TSPEAR: variants seen among roughly 807,000 people sequenced by gnomAD.
TSPEAR encodes thrombospondin-type laminin G domain and EAR repeat-containing protein.
A neutral mutation model predicts 71.6 loss-of-function variants in TSPEAR; 69 were observed. The ratio of observed to expected loss-of-function variants is 0.96; its 90% CI spans 0.79 to 1.18. The LOEUF is 1.18. Ranked by LOEUF, TSPEAR falls within the 50% of genes most tolerant of loss-of-function variation. The pLI is 0.00. For missense variants in TSPEAR, 971 were observed against 894.9 expected, an observed-to-expected ratio of 1.09 and a Z score of -1.09; for synonymous variants, 402 against 387.2, an observed-to-expected ratio of 1.04 and a Z score of -0.45.
At chr21:44,621,875 G>A (rs233272) in intron 1 of TSPEAR, among the ~76,000 whole-genome samples, 135,901 of 152,132 alleles carry the variant, frequency 0.89, 61,104 homozygotes, top group Non-Finnish European at 0.95. Flanking sequence ...CTCCACCAAC[G>A]CAATCAATAC....
At chr21:44,522,173 C>T (rs1488047144) in intron 8 of TSPEAR, 61 bp from the exon 9 acceptor site, 27 of 1,529,824 alleles carry the variant, frequency 1.8e-5, no homozygotes, top group South Asian at 5.7e-5. Flanking sequence ...ATGGCAGCCC[C>T]GACGGAGGCA....
chr21:44,554,069 T>A (rs782205204), intron 2 of TSPEAR, among the ~76,000 whole-genome samples: 8 of 152,198 alleles, frequency 5.3e-5, no homozygotes, highest in Non-Finnish European at 1.2e-4. Context: ...ATGGATGGAA[T>A]GTTTGTATCC....
chr21:44,521,533 G>A (rs1352441685), intron 9 of TSPEAR, among the ~76,000 whole-genome samples: 10 of 152,236 alleles, frequency 6.6e-5, no homozygotes, highest in South Asian at 2.1e-4. Flanking sequence ...AGATTAGACC[G>A]CGGGAGCTTC....
rs782801901 is a variant in TSPEAR, at chr21:44,574,880, C to T, written c.83-6875G>A. On this transcript the variant is annotated intron_variant, in intron 1 of 11. Coordinates refer to ENST00000323084, the MANE Select transcript of TSPEAR (RefSeq NM_144991.3). ...GCCCCGTGTGCAGGCCCGCCTGCTGCGTGCCCGTCCCTTCCTGCTGTGCTC... is the reference window on the plus strand; with the variant it reads ...GCCCCGTGTGCAGGCCCGCCTGCTGTGTGCCCGTCCCTTCCTGCTGTGCTC... 5.7e-5 allele frequency: 92 copies of T among 1,612,796 alleles called. No homozygotes were observed. Among genetic ancestry groups the T allele is most frequent in the Non-Finnish European group, 6.9e-5 (81 of 1,179,906 alleles).
intron 1 of TSPEAR, chr21:44,657,808 T>C: frequency 1.5e-6 from 1 of 648,394 alleles, no homozygotes; most frequent in South Asian, 1.9e-5. Context: ...CGCGGGAAAG[T>C]ACACGCGGGA....
intron 9 of TSPEAR, among the ~76,000 whole-genome samples, chr21:44,511,812 C>T (rs1350308701): frequency 4.6e-5 from 7 of 152,232 alleles, no homozygotes; most frequent in South Asian, 2.1e-4. Context: ...CCGGAGTGCC[C>T]GCCCTGTAGC....
chr21:44,554,079 C>T (rs1031486696), intron 2 of TSPEAR, among the ~76,000 whole-genome samples: 2 of 152,152 alleles, frequency 1.3e-5, no homozygotes, highest in Non-Finnish European at 2.9e-5. Flanking sequence ...TGTTTGTATC[C>T]TCCCAAAATT....
chr21:44,576,543 C>T (rs983898406), intron 1 of TSPEAR, among the ~76,000 whole-genome samples: 18 of 151,966 alleles, frequency 1.2e-4, no homozygotes, highest in Admixed American at 1.0e-3. Flanking sequence ...TGAACATGCC[C>T]ATGGTTTTCA....
chr21:44,689,326 C>G (rs1987005302), intron 1 of TSPEAR, among the ~76,000 whole-genome samples: 1 of 151,896 alleles, frequency 6.6e-6, no homozygotes, highest in Admixed American at 6.6e-5. Context: ...CACGGTGAAA[C>G]CCCGTCTCTA....
At chr21:44,632,009 C>A (rs76180694) in intron 1 of TSPEAR, among the ~76,000 whole-genome samples, 1 of 152,060 alleles carries the variant, frequency 6.6e-6, no homozygotes, top group African/African-American at 2.4e-5. Flanking sequence ...TGGCAATGAC[C>A]GCACTGCATT....
At chr21:44,529,772 TG>T (rs2145979074) in intron 5 of TSPEAR, 25 bp downstream of exon 5, 1 of 1,612,704 alleles carries the variant, frequency 6.2e-7, no homozygotes, top group African/African-American at 1.3e-5. Context: ...GCCTTTGGTG[TG>T]GGGGCGGGTG....
At chr21:44,638,029 G>A in intron 1 of TSPEAR, 1 of 1,613,330 alleles carries the variant, frequency 6.2e-7, no homozygotes, top group Non-Finnish European at 8.5e-7. Flanking sequence ...CCTGCTGCGT[G>A]CCCGTCCCCT....
rs374060248 is a variant in TSPEAR, at chr21:44,705,876, G to A, written c.82+5557C>T. ...TGCTGTCTGTCACCCACACCTATTCGCACACTCCTTCCCCTTTTGAAACTC... is the reference window on the plus strand; with the variant it reads ...TGCTGTCTGTCACCCACACCTATTCACACACTCCTTCCCCTTTTGAAACTC... On this transcript the variant is annotated intron_variant, in intron 1 of 11. Transcript: ENST00000323084. Among the ~76,000 whole-genome samples the A allele has an allele frequency of 8.2e-3, 1,248 of 151,858 alleles. 21 individuals carry two copies. Among genetic ancestry groups the A allele is most frequent in the African/African-American group, 0.029 (1,193 of 41,340 alleles).
At chr21:44,558,487 G>A (rs367887303) in intron 2 of TSPEAR, 26 of 1,613,868 alleles carry the variant, frequency 1.6e-5, no homozygotes, top group African/African-American at 1.3e-5. Flanking sequence ...CAGCACGAGG[G>A]CGTGCAGGAG....
Position 44,506,591 on chromosome 21 carries a change from G to T in TSPEAR, c.1755-1710C>A, listed in dbSNP as rs587624829. 6.6e-6 allele frequency among the ~76,000 whole-genome samples: 1 copy of T among 152,336 alleles called. No individual in the cohort carries two copies. Among genetic ancestry groups the T allele is most frequent in the South Asian group, 2.1e-4 (1 of 4,828 alleles). On this transcript the variant is annotated intron_variant, in intron 10 of 11. Coordinates refer to ENST00000323084, the MANE Select transcript of TSPEAR (RefSeq NM_144991.3). This position sits in a 1 kb window ranked among gnomAD's most constrained non-coding sequence, Gnocchi z 4.2. ...GCTCCTCACTCCTTCGGTCAGTCAGGGTGACATCTGGAGCCACCTCCATTA... is the reference window on the plus strand; with the variant it reads ...GCTCCTCACTCCTTCGGTCAGTCAGTGTGACATCTGGAGCCACCTCCATTA...
Position 44,533,924 on chromosome 21 carries a change from CTG to C in TSPEAR, c.304-3_304-2del, listed in dbSNP as rs1569169931. The C allele has an allele frequency of 3.1e-6, 5 of 1,606,640 alleles. No individual in the cohort carries two copies. Reference sequence around the variant, plus strand: ...CCACCGTCAGCAGGTACTCGTTCCTCTGTGGAGAGCGGGCCAGGCTCAGGACG... The same window carrying C: ...CCACCGTCAGCAGGTACTCGTTCCTCTGGAGAGCGGGCCAGGCTCAGGACG... On this transcript the variant is annotated splice_acceptor_variant and splice_polypyrimidine_tract_variant and intron_variant, in intron 2 of 11. Coordinates refer to ENST00000323084, the MANE Select transcript of TSPEAR (RefSeq NM_144991.3). LOFTEE classifies it high-confidence loss of function.
chr21:44,667,251 A>T (rs1985834729), intron 1 of TSPEAR, among the ~76,000 whole-genome samples: 2 of 152,100 alleles, frequency 1.3e-5, no homozygotes, highest in African/African-American at 2.4e-5. Flanking sequence ...TCTCTGTGTG[A>T]TGATGGTCCT....
chr21:44,508,930 G>T, intron 10 of TSPEAR: 1 of 1,524,256 alleles, frequency 6.6e-7, no homozygotes, highest in South Asian at 1.2e-5. Context: ...ATGAAAGGAG[G>T]TAATGGGTGT....
intron 1 of TSPEAR, among the ~76,000 whole-genome samples, chr21:44,602,462 C>A (rs1981012629): frequency 6.6e-6 from 1 of 152,244 alleles, no homozygotes; most frequent in South Asian, 2.1e-4. Context: ...ACCCCATGGC[C>A]GTGTGCAGAA....
Sources: gnomAD v4.1 joint callset for allele counts (sites outside exome capture counted in the v4.1 genomes callset) on GRCh38, gnomAD v4.1.1 for gene constraint, Gnocchi (gnomAD v3.1) non-coding constraint, MANE v1.5 for transcripts, NCBI Gene and HGNC (gene_info 2026-07-23, HGNC 2026-07-21) for gene names.